GALNT13: variants seen among roughly 807,000 people sequenced by gnomAD.
GALNT13 encodes the protein UDP-GalNAc:polypeptide N-acetylgalactosaminyltransferase 13.
Under a neutral mutation model 64.2 loss-of-function variants are expected in GALNT13, and 28 were observed. The ratio of observed to expected loss-of-function variants is 0.44; its 90% CI spans 0.32 to 0.60. The LOEUF (loss-of-function observed/expected upper bound fraction) is 0.60. GALNT13 is among the 20% of genes least tolerant of loss of function. The probability of loss-of-function intolerance (pLI) is 0.05; values close to 1 mark genes in which losing one functional copy is unlikely to be tolerated. For missense variants in GALNT13, 577 were observed against 669.8 expected (o/e 0.86, Z 1.53); for synonymous variants, 214 against 224.6 (o/e 0.95, Z 0.42).
chr2:154,008,294 C>T (rs1204207621), intron 3 of GALNT13, among the ~76,000 whole-genome samples: 2 of 152,148 alleles, frequency 1.3e-5, no homozygotes, highest in Non-Finnish European at 2.9e-5. Context: ...TCTTTTCACT[C>T]AGTTCTCCCT....
chr2:153,555,190 C>CTTT, the GALNT13 span, among the ~76,000 whole-genome samples: 83 of 105,180 alleles, frequency 7.9e-4, 1 homozygote, highest in East Asian at 7.7e-3. Flanking sequence ...AGAAGCTTTA[C>CTTT]TTTTTTTTTT....
chr2:154,415,929 G>C (rs769231878), intron 11 of GALNT13, among the ~76,000 whole-genome samples: 2 of 152,090 alleles, frequency 1.3e-5, no homozygotes, highest in East Asian at 3.9e-4. Context: ...GAGTAAATTT[G>C]CAAGTTAAAT....
chr2:154,022,683 G>A, intron 3 of GALNT13, among the ~76,000 whole-genome samples: 1 of 152,118 alleles, frequency 6.6e-6, no homozygotes, highest in Non-Finnish European at 1.5e-5. Flanking sequence ...GGCTTTTTGT[G>A]TCTCTATTTC....
chr2:153,389,473 C>A, the GALNT13 span, among the ~76,000 whole-genome samples: 1 of 151,980 alleles, frequency 6.6e-6, no homozygotes, highest in Non-Finnish European at 1.5e-5. Context: ...GGGTTAATTT[C>A]AAACAAGCAC....
At chr2:153,793,136 T>A in the GALNT13 span, among the ~76,000 whole-genome samples, 1 of 151,930 alleles carries the variant, frequency 6.6e-6, no homozygotes, top group Admixed American at 6.6e-5. Flanking sequence ...CATGCCCAGC[T>A]AATTATTTTG....
the GALNT13 span, among the ~76,000 whole-genome samples, chr2:153,515,979 A>G: frequency 1.3e-5 from 2 of 152,168 alleles, no homozygotes; most frequent in East Asian, 3.9e-4. Context: ...CTGAATGTTT[A>G]AATTTATTTT....
chr2:154,417,974 A>G (rs958599524), intron 11 of GALNT13, among the ~76,000 whole-genome samples: 2 of 152,096 alleles, frequency 1.3e-5, no homozygotes, highest in African/African-American at 2.4e-5. Flanking sequence ...TTATTTCTCA[A>G]TATTTTATTC....
At chr2:153,162,625 G>T in the GALNT13 span, among the ~76,000 whole-genome samples, 1 of 152,152 alleles carries the variant, frequency 6.6e-6, no homozygotes, top group Non-Finnish European at 1.5e-5. Context: ...AGAATCAGCA[G>T]CTCTTCATTT....
At chr2:154,173,995 T>A (rs1479121835) in intron 4 of GALNT13, among the ~76,000 whole-genome samples, 3 of 152,072 alleles carry the variant, frequency 2.0e-5, no homozygotes, top group Admixed American at 6.6e-5. Flanking sequence ...TCGTCAAAAA[T>A]CTAAAAGGAA....
the GALNT13 span, among the ~76,000 whole-genome samples, chr2:153,501,490 C>T: frequency 6.6e-6 from 1 of 152,068 alleles, no homozygotes; most frequent in African/African-American, 2.4e-5. Flanking sequence ...AACCACCATG[C>T]CCGGTTAATT....
the GALNT13 span, among the ~76,000 whole-genome samples, chr2:153,351,021 G>A: frequency 6.6e-6 from 1 of 152,070 alleles, no homozygotes; most frequent in Non-Finnish European, 1.5e-5. Flanking sequence ...TGATTTGTAG[G>A]TTTTAAGGAG....
chr2:153,850,730 A>G, the GALNT13 span, among the ~76,000 whole-genome samples: 2 of 152,342 alleles, frequency 1.3e-5, no homozygotes, highest in Non-Finnish European at 2.9e-5. Context: ...CCCCATCTAG[A>G]GATGGAAGCT....
At chr2:153,344,104 C>A in the GALNT13 span, among the ~76,000 whole-genome samples, 1 of 151,964 alleles carries the variant, frequency 6.6e-6, no homozygotes, top group African/African-American at 2.4e-5. Context: ...ACATGATGCC[C>A]ATCACTCCCA....
intron 8 of GALNT13, among the ~76,000 whole-genome samples, chr2:154,285,273 T>C (rs1052909862): frequency 2.6e-5 from 4 of 152,186 alleles, no homozygotes; most frequent in African/African-American, 4.8e-5. Flanking sequence ...TTTGGAGTCC[T>C]AGCCAAGATA....
the GALNT13 span, among the ~76,000 whole-genome samples, chr2:153,135,115 C>T: frequency 6.6e-6 from 1 of 152,128 alleles, no homozygotes; most frequent in Non-Finnish European, 1.5e-5. Context: ...TGGTTGGGTT[C>T]TGGTGAGGGC....
At chr2:153,343,020 G>A in the GALNT13 span, among the ~76,000 whole-genome samples, 1 of 152,198 alleles carries the variant, frequency 6.6e-6, no homozygotes, top group African/African-American at 2.4e-5. Context: ...AAATCTACAT[G>A]CTATGTAGTC....
At chr2:153,917,676 A>T (rs1034691860) in intron 2 of GALNT13, among the ~76,000 whole-genome samples, 4 of 152,084 alleles carry the variant, frequency 2.6e-5, no homozygotes, top group Non-Finnish European at 5.9e-5. Context: ...TTCTATCCAA[A>T]TCTCCCACCT....
chr2:153,122,470 G>A, the GALNT13 span, among the ~76,000 whole-genome samples: 3 of 152,214 alleles, frequency 2.0e-5, no homozygotes, highest in Non-Finnish European at 4.4e-5. Flanking sequence ...CTAATGTGGA[G>A]CCAGTGTTCA....
the GALNT13 span, among the ~76,000 whole-genome samples, chr2:153,181,677 G>GTAAATATATTTATATAATTATATTACA: frequency 9.1e-5 from 13 of 143,232 alleles, no homozygotes; most frequent in South Asian, 2.1e-4. Flanking sequence ...TTCTATTTAT[G>GTAAATATATTTATATAATTATATTACA]TAAATATATT....
Sources: gnomAD v4.1 joint callset for allele counts (sites outside exome capture counted in the v4.1 genomes callset) on GRCh38, gnomAD v4.1.1 for gene constraint, MANE v1.5 for transcripts, NCBI Gene and HGNC (gene_info 2026-07-23, HGNC 2026-07-21) for gene names.